Variants in INTS6L observed in about 807,000 individuals in gnomAD.
The protein encoded by INTS6L is integrator complex subunit 6 like.
A neutral mutation model predicts 64.7 loss-of-function variants in INTS6L; 18 were observed. The observed-to-expected ratio is 0.28, with a 90% CI of 0.19 to 0.41. The LOEUF is 0.41. INTS6L is among the 10% of genes least tolerant of loss of function. The probability of loss-of-function intolerance (pLI) is 1.00; values close to 1 mark genes in which losing one functional copy is unlikely to be tolerated. For missense variants in INTS6L, 533 were observed against 661.0 expected, an observed-to-expected ratio of 0.81 and a Z score of 2.12; for synonymous variants, 227 against 235.9, an observed-to-expected ratio of 0.96 and a Z score of 0.34.
At chrX:135,533,394 T>C (rs983454902) in intron 2 of INTS6L, among the ~76,000 whole-genome samples, 5 of 112,340 alleles carry the variant, frequency 4.5e-5, no homozygotes, top group Non-Finnish European at 7.5e-5. Context: ...TTGAAATTAT[T>C]TATTTTCATT....
chrX:135,581,733 T>C lies in INTS6L; in HGVS notation c.*97T>C. The C allele has an allele frequency of 1.4e-6, 1 of 692,187 alleles. No individual in the cohort carries two copies. The highest frequency in any genetic ancestry group is 2.2e-6 in the Non-Finnish European group (1 of 457,148). 57.0% of individuals were successfully genotyped at this position (692,187 alleles called of 1,213,427 possible). ...CCTGGAATGTTTGAGTCAAGGGAAT[T>C]GCTTTCCAGATGCTAAGAAGCAGCA... On this transcript the variant is annotated 3_prime_UTR_variant, in exon 18 of 18. Transcript: ENST00000639893.
At chrX:135,527,382 G>A (rs781888790) in intron 2 of INTS6L, among the ~76,000 whole-genome samples, 1 of 112,479 alleles carries the variant, frequency 8.9e-6, no homozygotes, top group South Asian at 3.7e-4. Context: ...TCTGGCCTAA[G>A]AAGGGACCAG....
intron 2 of INTS6L, among the ~76,000 whole-genome samples, chrX:135,533,323 G>T (rs1011535150): frequency 1.8e-5 from 2 of 111,855 alleles, no homozygotes; most frequent in African/African-American, 3.3e-5. Context: ...ATTTTGTTGG[G>T]ATTTTTAACA....
chrX:135,534,877 C>G (rs1556507877), intron 2 of INTS6L, among the ~76,000 whole-genome samples: 1 of 109,318 alleles, frequency 9.1e-6, no homozygotes, highest in African/African-American at 3.3e-5. Context: ...CTGTGTTGCC[C>G]AGGCTGATCT....
In INTS6L at chrX:135,582,065, G is replaced by A. The variant is rs2087383717; in HGVS notation, c.*429G>A. 7.6e-6 allele frequency: 1 copy of A among 132,041 alleles called. No homozygotes were observed. The highest frequency in any genetic ancestry group is 2.7e-4 in the South Asian group (1 of 3,673). The allele number at this position is 132,041 out of a possible 1,213,427, so 10.9% of individuals were successfully genotyped here. On this transcript the variant is annotated 3_prime_UTR_variant, in exon 18 of 18. Transcript: ENST00000639893. ...TACAGAAAGGAAATGGCAATCTTAT[G>A]TGTGCTGAACAAAGTTTTCAACAAT...
chrX:135,521,192 TC>T (rs782217672), intron 1 of INTS6L, 48 bp from the exon 2 acceptor site: 2 of 1,178,973 alleles, frequency 1.7e-6, no homozygotes, highest in Non-Finnish European at 1.1e-6. Flanking sequence ...TGTATCGCCC[TC>T]CCCCCTCCTT....
intron 5 of INTS6L, 75 bp from the exon 6 acceptor site, chrX:135,547,062 T>C: frequency 1.7e-6 from 2 of 1,158,534 alleles, no homozygotes; most frequent in Middle Eastern, 2.7e-4. Context: ...AGTTATATTT[T>C]AGGATTTTAA....
chrX:135,549,342 G>A (rs1361993958), intron 6 of INTS6L, among the ~76,000 whole-genome samples: 2 of 111,989 alleles, frequency 1.8e-5, no homozygotes, highest in Non-Finnish European at 3.8e-5. Context: ...TTATGTGTAC[G>A]AGTCTCAGAA....
intron 11 of INTS6L, 93 bp from the exon 12 acceptor site, chrX:135,572,722 T>C: frequency 1.4e-6 from 1 of 735,515 alleles, no homozygotes; most frequent in Non-Finnish European, 2.0e-6. Flanking sequence ...AAAATTGTTC[T>C]GTGGGGTTCT....
rs145650057 is a variant in INTS6L, at chrX:135,572,976, A to G, written c.1560A>G (p.Arg520=). The G allele has an allele frequency of 2.2e-5, 27 of 1,210,022 alleles. No individual in the cohort carries two copies. The African/African-American group carries it at 4.5e-4, about 20-fold the overall frequency. ...AAATCACAGGGGAAACTGCACTTAG[A>G]CTGACAGAATTGAACACCAAAGAAT... ...LKEITGETAL[R]LTELNTKEFA... The change falls in exon 12 of 18, where the codon AGA becomes AGG. Residue 520 remains arginine (R), a synonymous_variant. Coordinates refer to ENST00000639893, the MANE Select transcript of INTS6L (RefSeq NM_001351601.3).
At position 135,553,485 on chromosome X, in the gene INTS6L, T is replaced by C. The variant is rs1489172664; in HGVS notation, c.1059+1339T>C. Among the ~76,000 whole-genome samples the C allele has an allele frequency of 6.0e-3, 606 of 101,045 alleles. 18 individuals are homozygous for C. Among genetic ancestry groups the C allele is most frequent in the African/African-American group, 0.019 (541 of 27,951 alleles). 87.7% of individuals were successfully genotyped at this position (101,045 alleles called of 115,157 possible). On this transcript the variant is annotated intron_variant, in intron 8 of 17. Coordinates refer to ENST00000639893, the MANE Select transcript of INTS6L (RefSeq NM_001351601.3). ...AATTCCTGGCTAATTTTTTAAATTT[T>C]TTTTTTTTTTTTTTTTTTTAGAGAG... is the stretch of plus-strand genomic sequence containing the variant.
Position 135,572,962 on chromosome X carries a change from G to A in INTS6L, c.1546G>A (p.Glu516Lys), listed in dbSNP as rs782053379. Reference protein sequence around the residue: ...FRKLLKEITGETALRLTELNT... With the variant: ...FRKLLKEITGKTALRLTELNT... ...AAAACTATTGAAAGAAATCACAGGGGAAACTGCACTTAGACTGACAGAATT... is the reference window on the plus strand; with the variant it reads ...AAAACTATTGAAAGAAATCACAGGGAAAACTGCACTTAGACTGACAGAATT... Residue 516 changes from glutamate to lysine, a missense_variant, in exon 12 of 18, where the codon GAA becomes AAA. Coordinates refer to ENST00000639893, the MANE Select transcript of INTS6L (RefSeq NM_001351601.3). 2 of 1,211,490 alleles carry A rather than the reference G, an allele frequency of 1.7e-6. No homozygotes were observed. The highest frequency in any genetic ancestry group is 4.3e-5 in the Admixed American group (2 of 46,026).
chrX:135,581,760 TG>T lies in INTS6L; in HGVS notation c.*128del. On this transcript the variant is annotated 3_prime_UTR_variant, in exon 18 of 18. Coordinates refer to ENST00000639893, the MANE Select transcript of INTS6L (RefSeq NM_001351601.3). ...CTTTCCAGATGCTAAGAAGCAGCAGTGGGGCTTTTGAATTTTATGATTATCT... is the reference window on the plus strand; with the variant it reads ...CTTTCCAGATGCTAAGAAGCAGCAGTGGGCTTTTGAATTTTATGATTATCT... 1 of 514,187 alleles carries T rather than the reference TG, an allele frequency of 1.9e-6. No individual in the cohort carries two copies. The highest frequency in any genetic ancestry group is 3.6e-5 in the South Asian group (1 of 27,556). 42.4% of individuals were successfully genotyped at this position (514,187 alleles called of 1,213,427 possible).
chrX:135,530,127 T>A (rs2085865713), intron 2 of INTS6L, among the ~76,000 whole-genome samples: 1 of 112,727 alleles, frequency 8.9e-6, no homozygotes, highest in South Asian at 3.6e-4. Context: ...ATTATCATGC[T>A]GTTATTTATA....
intron 2 of INTS6L, among the ~76,000 whole-genome samples, chrX:135,521,614 T>A (rs1269833861): frequency 9.1e-6 from 1 of 109,488 alleles, no homozygotes; most frequent in Non-Finnish European, 1.9e-5. Context: ...TGCTTTTGTA[T>A]GAGCCTGCGA....
At chrX:135,525,537 T>TAACCCAACCAGTA (rs2085710785) in intron 2 of INTS6L, among the ~76,000 whole-genome samples, 1 of 112,440 alleles carries the variant, frequency 8.9e-6, no homozygotes, top group African/African-American at 3.2e-5. Context: ...ATCCTGTAGC[T>TAACCCAACCAGTA]AGCTTTGCTT....
intron 2 of INTS6L, among the ~76,000 whole-genome samples, chrX:135,527,848 T>G (rs782688500): frequency 9.1e-6 from 1 of 109,814 alleles, no homozygotes; most frequent in East Asian, 2.9e-4. Context: ...GGGGTGGGGG[T>G]AGGGAGATGG....
intron 13 of INTS6L, 150 bp downstream of exon 13, chrX:135,574,212 C>A: frequency 3.0e-6 from 2 of 662,146 alleles, no homozygotes; most frequent in Admixed American, 5.0e-5. Context: ...GTCTGTTTAC[C>A]AGGCACATTT....
rs2085536826 is a variant in INTS6L, at chrX:135,521,252, G to C, written c.123G>C (p.Arg41=). The change falls in exon 2 of 18, where the codon CGG becomes CGC. Residue 41 remains arginine, a synonymous_variant. Coordinates refer to ENST00000639893, the MANE Select transcript of INTS6L (RefSeq NM_001351601.3). ...CCCTTGCCCCGCAGCTGCGCGCCCGGGACCCGGCCAGCCGTGGAGACAGGT... is the reference window on the plus strand; with the variant it reads ...CCCTTGCCCCGCAGCTGCGCGCCCGCGACCCGGCCAGCCGTGGAGACAGGT... The part of the protein sequence containing the change: ...AVELFLKLRA[R]DPASRGDRYM... 1 of 1,206,388 alleles carries C rather than the reference G, an allele frequency of 8.3e-7. No homozygotes were observed. The highest frequency in any genetic ancestry group is 1.1e-6 in the Non-Finnish European group (1 of 893,581).
Sources: gnomAD v4.1 joint callset for allele counts (sites outside exome capture counted in the v4.1 genomes callset) on GRCh38, gnomAD v4.1.1 for gene constraint, MANE v1.5 for transcripts, NCBI Gene and HGNC (gene_info 2026-07-23, HGNC 2026-07-21) for gene names.